Variants in SYT1 observed in about 807,000 individuals in gnomAD.
The protein encoded by SYT1 is synaptotagmin-1.
Under a neutral mutation model 44.8 loss-of-function variants are expected in SYT1, and 8 were observed. That is an observed-to-expected ratio of 0.18 (90% CI 0.10 to 0.32). The LOEUF (loss-of-function observed/expected upper bound fraction) is 0.32, where lower values mean the gene tolerates loss of function less well. Ranked by LOEUF, SYT1 falls within the 10% of genes least tolerant of loss-of-function variation. The pLI, the probability that SYT1 is intolerant of heterozygous loss-of-function variation, is 1.00. For synonymous variants in SYT1, 154 were observed against 188.8 expected, an observed-to-expected ratio of 0.82 and a Z score of 1.51; for missense variants, 286 against 509.3, an observed-to-expected ratio of 0.56 and a Z score of 4.22.
At chr12:78,948,757 TAAG>T (rs1878802352) in intron 1 of SYT1, among the ~76,000 whole-genome samples, 1 of 151,856 alleles carries the variant, frequency 6.6e-6, no homozygotes. Context: ...GTTAGCATTT[TAAG>T]TAGTATCCAT....
At chr12:79,367,681 T>G (rs1883603016) in intron 9 of SYT1, among the ~76,000 whole-genome samples, 1 of 151,732 alleles carries the variant, frequency 6.6e-6, no homozygotes, top group African/African-American at 2.4e-5. Context: ...TCTTGGCATT[T>G]CAAAAAAAAA....
rs548185641 is a variant in SYT1, at chr12:79,259,225, G to A, written c.167-26562G>A. On this transcript the variant is annotated intron_variant, in intron 4 of 10. Coordinates refer to ENST00000261205, the MANE Select transcript of SYT1 (RefSeq NM_005639.3). ...TCCAATAAGGAAAAATACTTCCTTT[G>A]GTATGAATGTCTAGAATTAATATTT... Among the ~76,000 whole-genome samples, 312 of 152,130 alleles carry A rather than the reference G, an allele frequency of 2.1e-3. 2 individuals carry two copies. The highest frequency in any genetic ancestry group is 3.6e-3 in the Non-Finnish European group (244 of 68,004).
At chr12:79,287,435 A>C (rs1395289774) in intron 5 of SYT1, among the ~76,000 whole-genome samples, 1 of 152,172 alleles carries the variant, frequency 6.6e-6, no homozygotes, top group African/African-American at 2.4e-5. Flanking sequence ...AGCAAGCAGG[A>C]CTTGATAAAG....
intron 8 of SYT1, among the ~76,000 whole-genome samples, chr12:79,302,729 T>C (rs1049643142): frequency 6.6e-6 from 1 of 152,134 alleles, no homozygotes; most frequent in Non-Finnish European, 1.5e-5. Context: ...GCCACCTCAC[T>C]GGTTTCCGTT....
At chr12:79,114,954 A>G (rs1879198910) in intron 3 of SYT1, among the ~76,000 whole-genome samples, 1 of 152,192 alleles carries the variant, frequency 6.6e-6, no homozygotes, top group Admixed American at 6.5e-5. Context: ...TAGTATATGC[A>G]ATTATTCTAC....
chr12:79,179,824 G>A (rs188426696), intron 3 of SYT1, among the ~76,000 whole-genome samples: 1 of 151,698 alleles, frequency 6.6e-6, no homozygotes, highest in African/African-American at 2.4e-5. Flanking sequence ...TACCACTAAG[G>A]GTGTCTCACT....
intron 3 of SYT1, among the ~76,000 whole-genome samples, chr12:79,209,949 A>AT (rs1447373416): frequency 5.3e-5 from 8 of 151,948 alleles, no homozygotes; most frequent in Admixed American, 3.3e-4. Context: ...TTTTAGTAAT[A>AT]TTTTTTCGAC....
At chr12:79,291,245 G>A (rs894784392) in intron 5 of SYT1, among the ~76,000 whole-genome samples, 1 of 152,098 alleles carries the variant, frequency 6.6e-6, no homozygotes, top group Non-Finnish European at 1.5e-5. Context: ...AATTGATTTT[G>A]TTCTTAAATA....
intron 3 of SYT1, among the ~76,000 whole-genome samples, chr12:79,103,562 A>G (rs1455833025): frequency 6.6e-6 from 1 of 152,098 alleles, no homozygotes; most frequent in South Asian, 2.1e-4. Context: ...GTAAGTAAAT[A>G]TGAAATTATT....
rs184989664 is a variant in SYT1 at position 79,085,555 on chromosome 12, G to A, written c.-18+38193G>A. ...GTTATGACCATGTTCTGTCAGTGAT[G>A]TGTACCTTTCTTTGGGCTCACAATG... On this transcript the variant is annotated intron_variant, in intron 3 of 10. Transcript: ENST00000261205. 1.6e-4 allele frequency among the ~76,000 whole-genome samples: 25 copies of A among 152,196 alleles called. No individual in the cohort carries two copies. In the East Asian group the frequency reaches 4.8e-3, roughly 29 times the overall value.
intron 4 of SYT1, among the ~76,000 whole-genome samples, chr12:79,252,604 G>A (rs961323270): frequency 2.0e-5 from 3 of 152,006 alleles, no homozygotes; most frequent in African/African-American, 7.2e-5. Context: ...CTTCTTTCAG[G>A]AACAGAAACC....
chr12:79,315,884 C>T (rs915392607), intron 8 of SYT1, among the ~76,000 whole-genome samples: 2 of 152,120 alleles, frequency 1.3e-5, no homozygotes, highest in Non-Finnish European at 2.9e-5. Flanking sequence ...AAGTTTATGC[C>T]TAATTCTCCT....
At chr12:78,996,075 T>C (rs17046175) in intron 2 of SYT1, among the ~76,000 whole-genome samples, 13,447 of 152,208 alleles carry the variant, frequency 0.088, 746 homozygotes, top group African/African-American at 0.15. Flanking sequence ...TCCAGGATTG[T>C]TACAATAAGG....
chr12:78,954,063 T>C (rs1879099473), intron 1 of SYT1, among the ~76,000 whole-genome samples: 2 of 152,134 alleles, frequency 1.3e-5, no homozygotes, highest in African/African-American at 4.8e-5. Flanking sequence ...ATACTTTCTC[T>C]AGCTGCTACT....
At chr12:79,079,267 AATTTT>A (rs1876868764) in intron 3 of SYT1, among the ~76,000 whole-genome samples, 1 of 152,136 alleles carries the variant, frequency 6.6e-6, no homozygotes, top group African/African-American at 2.4e-5. Context: ...ATACAGTAAT[AATTTT>A]ACTTTGATGT....
Position 79,269,033 on chromosome 12 carries a change from C to T in SYT1, c.167-16754C>T, listed in dbSNP as rs761775484. 2.6e-5 allele frequency among the ~76,000 whole-genome samples: 4 copies of T among 151,518 alleles called. No individual in the cohort carries two copies. In the East Asian group the frequency reaches 7.7e-4, roughly 29 times the overall value. On this transcript the variant is annotated intron_variant, in intron 4 of 10. Transcript: ENST00000261205. ...AAGGGCTTTGGAGCATACCTCAGAA[C>T]GTAGCTCCTCCATGAAGTCGTTTTT... is the stretch of plus-strand genomic sequence containing the variant.
At chr12:78,888,693 T>C (rs1874880482) in intron 1 of SYT1, among the ~76,000 whole-genome samples, 1 of 151,942 alleles carries the variant, frequency 6.6e-6, no homozygotes, top group Admixed American at 6.6e-5. Flanking sequence ...CTTTTTATAG[T>C]TCAGCATACC....
chr12:79,353,766 C>T (rs1883003925), intron 9 of SYT1, 147 bp downstream of exon 9: 5 of 644,902 alleles, frequency 7.8e-6, no homozygotes, highest in South Asian at 6.1e-5. Flanking sequence ...GAATTCATCC[C>T]AACACAGTGC....
intron 2 of SYT1, among the ~76,000 whole-genome samples, chr12:79,014,969 C>G (rs1035601008): frequency 4.0e-5 from 6 of 151,832 alleles, no homozygotes; most frequent in East Asian, 1.9e-4. Context: ...GGATAAAAAA[C>G]CAAACACCGC....
Sources: gnomAD v4.1 joint callset for allele counts (sites outside exome capture counted in the v4.1 genomes callset) on GRCh38, gnomAD v4.1.1 for gene constraint, MANE v1.5 for transcripts, NCBI Gene and HGNC (gene_info 2026-07-23, HGNC 2026-07-21) for gene names.